The following DGKH variants were observed in gnomAD, a reference collection of about 807,000 sequenced individuals.
DGKH encodes DAG kinase eta.
A neutral mutation model predicts 159.3 loss-of-function variants in DGKH; 90 were observed. The observed-to-expected ratio is 0.57, with a 90% CI of 0.48 to 0.67. The LOEUF is 0.67. Ranked by LOEUF, DGKH falls within the 30% of genes least tolerant of loss-of-function variation. The probability of loss-of-function intolerance (pLI) is 0.00; values close to 1 mark genes in which losing one functional copy is unlikely to be tolerated. For synonymous variants in DGKH, 536 were observed against 553.8 expected (o/e 0.97, Z 0.45); for missense variants, 1,181 against 1,506.1 (o/e 0.78, Z 3.57).
At chr13:42,055,439 T>G (rs1039367317) in intron 1 of DGKH, among the ~76,000 whole-genome samples, 1 of 152,322 alleles carries the variant, frequency 6.6e-6, no homozygotes, top group Admixed American at 6.5e-5. Context: ...AAACATGATA[T>G]CCCATTATTA....
At chr13:42,254,663 T>C (rs1199574707) in intron 30 of DGKH, among the ~76,000 whole-genome samples, 1 of 151,948 alleles carries the variant, frequency 6.6e-6, no homozygotes, top group East Asian at 1.9e-4. Flanking sequence ...TATATAGTTA[T>C]ACCTTCCTTG....
intron 7 of DGKH, 133 bp from the exon 8 acceptor site, chr13:42,165,198 C>G (rs1391464837): frequency 2.2e-6 from 1 of 457,740 alleles, no homozygotes; most frequent in African/African-American, 2.0e-5. Context: ...AATGTTATAC[C>G]ATTTAAAGTA....
chr13:42,058,957 T>A (rs1881949918), intron 1 of DGKH, among the ~76,000 whole-genome samples: 1 of 152,222 alleles, frequency 6.6e-6, no homozygotes, highest in South Asian at 2.1e-4. Flanking sequence ...TTGTGTTAAG[T>A]CCCTGAGATT....
At chr13:42,069,075 CGAG>C in intron 1 of DGKH, 1 of 1,418,222 alleles carries the variant, frequency 7.1e-7, no homozygotes, top group Non-Finnish European at 1.0e-6. Context: ...CTATTGGGCT[CGAG>C]CTGCTTATTA....
At chr13:42,107,549 GGAGT>G (rs1425187052) in intron 1 of DGKH, among the ~76,000 whole-genome samples, 2 of 152,068 alleles carry the variant, frequency 1.3e-5, no homozygotes. Context: ...AGGGAGGGAG[GGAGT>G]ATGGAGGATT....
rs55668821 is a variant in DGKH at position 42,207,695 on chromosome 13, G to GTATATATATATATA, written c.2602-1256_2602-1243dup. 4.3e-5 allele frequency among the ~76,000 whole-genome samples: 6 copies of GTATATATATATATA among 140,282 alleles called. No homozygotes were observed. In the East Asian group the frequency reaches 7.5e-4, roughly 18 times the overall value. 92.0% of individuals were successfully genotyped at this position (140,282 alleles called of 152,430 possible). On this transcript the variant is annotated intron_variant, in intron 21 of 29. Transcript: ENST00000337343. ...AGAGAGGGCACAATTATTAAAGTGT[G>GTATATATATATATA]TATATATATATATATATATATCAGT... is the stretch of plus-strand genomic sequence containing the variant.
intron 2 of DGKH, among the ~76,000 whole-genome samples, chr13:42,129,095 T>G (rs1056087006): frequency 6.6e-6 from 1 of 152,224 alleles, no homozygotes; most frequent in African/African-American, 2.4e-5. Flanking sequence ...TAGTTATAGA[T>G]GAGGAAAATA....
At position 42,138,651 on chromosome 13, in the gene DGKH, C is replaced by T. The variant is rs575022026; in HGVS notation, c.384+9019C>T. Among the ~76,000 whole-genome samples the T allele has an allele frequency of 1.4e-3, 208 of 152,140 alleles. 4 individuals are homozygous for T. The South Asian group carries it at 0.04, about 29-fold the overall frequency. On this transcript the variant is annotated intron_variant, in intron 3 of 29. Transcript: ENST00000337343. The stretch of plus-strand genomic sequence containing the variant: ...GATATTGGTTTATATATATTATACC[C>T]ATAAATTCTTGCACCCTCATTGAAA...
intron 1 of DGKH, among the ~76,000 whole-genome samples, chr13:42,078,171 A>G (rs758494217): frequency 6.6e-6 from 1 of 152,240 alleles, no homozygotes; most frequent in Non-Finnish European, 1.5e-5. Context: ...TGAGCTTTCA[A>G]TGTTGGAAGC....
chr13:42,097,345 T>C (rs1954559924), intron 1 of DGKH, among the ~76,000 whole-genome samples: 5 of 152,178 alleles, frequency 3.3e-5, no homozygotes, highest in African/African-American at 1.2e-4. Context: ...GTCTTTTCAT[T>C]CACACACACA....
chr13:42,177,533 G>A (rs1044704498), intron 12 of DGKH, among the ~76,000 whole-genome samples: 1 of 152,064 alleles, frequency 6.6e-6, no homozygotes, highest in Non-Finnish European at 1.5e-5. Context: ...TCTGAGTCCT[G>A]TGATATCATT....
chr13:42,190,616 A>G (rs918831643), intron 16 of DGKH, 91 bp downstream of exon 16: 85 of 1,291,302 alleles, frequency 6.6e-5, no homozygotes, highest in Admixed American at 1.4e-4. Flanking sequence ...GAAAAAAACT[A>G]TTTGTATTTT....
At position 42,215,596 on chromosome 13, in the gene DGKH, A is replaced by G. The variant is rs1221342152; in HGVS notation, c.3142A>G (p.Thr1048Ala). The G allele has an allele frequency of 1.1e-5, 18 of 1,610,792 alleles. No individual in the cohort carries two copies. The East Asian group carries it at 3.8e-4, about 34-fold the overall frequency. Residue 1048 changes from threonine to alanine, a missense_variant, in exon 26 of 30, where the codon ACT (threonine) becomes GCT (alanine). Coordinates refer to ENST00000337343, the MANE Select transcript of DGKH (RefSeq NM_178009.5). ...CPESLTRDTA[T>A]EIAINVKALY... is the part of the protein sequence containing the mutation. ...CTAGAGTCTTACAAGAGACACTGCC[A>G]CTGAAATAGCCATCAATGTGAAGGC...
chr13:42,050,713 G>A (rs1881214657), intron 1 of DGKH, among the ~76,000 whole-genome samples: 1 of 152,082 alleles, frequency 6.6e-6, no homozygotes, highest in South Asian at 2.1e-4. Context: ...ATAGGGGCCG[G>A]GCATGGTGGC....
At chr13:42,189,430 T>C (rs968900343) in intron 15 of DGKH, 121 bp downstream of exon 15, 8 of 1,308,978 alleles carry the variant, frequency 6.1e-6, no homozygotes, top group African/African-American at 1.5e-5. Flanking sequence ...TAAGGCAAGA[T>C]AGAAGATACA....
chr13:42,132,080 C>T (rs535489731), intron 3 of DGKH, among the ~76,000 whole-genome samples: 1 of 152,280 alleles, frequency 6.6e-6, no homozygotes, highest in South Asian at 2.1e-4. Context: ...CTGCTGGAGC[C>T]TCATGGAGGG....
At chr13:42,224,141 T>C (rs1958058929) in intron 29 of DGKH, among the ~76,000 whole-genome samples, 1 of 152,216 alleles carries the variant, frequency 6.6e-6, no homozygotes, top group South Asian at 2.1e-4. Context: ...CCACATTTTC[T>C]TTATGCAGTC....
chr13:42,102,275 C>T (rs1040279056), intron 1 of DGKH, among the ~76,000 whole-genome samples: 4 of 152,248 alleles, frequency 2.6e-5, no homozygotes, highest in Non-Finnish European at 4.4e-5. Flanking sequence ...GCTACACCTG[C>T]CTGGCTGGCT....
chr13:42,114,699 T>C (rs1954933185), intron 1 of DGKH, among the ~76,000 whole-genome samples: 1 of 152,238 alleles, frequency 6.6e-6, no homozygotes, highest in Non-Finnish European at 1.5e-5. Flanking sequence ...TAAACCATGC[T>C]CCATTATTAT....
Sources: gnomAD v4.1 joint callset for allele counts (sites outside exome capture counted in the v4.1 genomes callset) on GRCh38, gnomAD v4.1.1 for gene constraint, MANE v1.5 for transcripts, NCBI Gene and HGNC (gene_info 2026-07-23, HGNC 2026-07-21) for gene names.